The following RBM26 variants were observed in gnomAD, a reference collection of about 807,000 sequenced individuals.
RBM26 encodes RNA binding motif protein 26.
Under a neutral mutation model 123.6 loss-of-function variants are expected in RBM26, and 30 were observed. The ratio of observed to expected loss-of-function variants is 0.24; its 90% CI spans 0.18 to 0.33. The LOEUF (loss-of-function observed/expected upper bound fraction) is 0.33. Among genes scored for constraint, RBM26 ranks in the 10% least tolerant of loss-of-function variants. The pLI, the probability that RBM26 is intolerant of heterozygous loss-of-function variation, is 1.00. For synonymous variants in RBM26, 400 were observed against 404.4 expected (o/e 0.99, Z 0.13); for missense variants, 947 against 1,203.6 (o/e 0.79, Z 3.15).
chr13:79,372,895 A>T (rs2076104927), intron 3 of RBM26, among the ~76,000 whole-genome samples: 2 of 88,610 alleles, frequency 2.3e-5, no homozygotes, highest in Admixed American at 1.6e-4. Flanking sequence ...GCTATATAAA[A>T]TATATCTTAT....
chr13:79,373,159 TTATA>T (rs1380109701), intron 3 of RBM26, among the ~76,000 whole-genome samples: 121 of 302 alleles, frequency 0.4, 11 homozygotes, highest in Admixed American at 0.58. Flanking sequence ...ATTTTATGTA[TTATA>T]TATTTATATA....
At chr13:79,322,639 A>C (rs991161033) in intron 20 of RBM26, among the ~76,000 whole-genome samples, 177 bp from the exon 21 acceptor site, 2 of 151,548 alleles carry the variant, frequency 1.3e-5, no homozygotes, top group Admixed American at 1.3e-4. Context: ...TTTACACTTT[A>C]CTTTTTATGG....
At chr13:79,326,484 A>G (rs1054139458) in intron 20 of RBM26, among the ~76,000 whole-genome samples, 1 of 152,190 alleles carries the variant, frequency 6.6e-6, no homozygotes, top group Non-Finnish European at 1.5e-5. Context: ...GGGAAATAGT[A>G]TCAGATGAAG....
chr13:79,373,995 T>G (rs2076411568), intron 3 of RBM26, among the ~76,000 whole-genome samples: 2 of 151,530 alleles, frequency 1.3e-5, no homozygotes, highest in Middle Eastern at 3.4e-3. Context: ...GACTTAGAGG[T>G]TGAACAAATT....
At chr13:79,373,639 TTATA>T (rs1284411810) in intron 3 of RBM26, among the ~76,000 whole-genome samples, 3 of 81,770 alleles carry the variant, frequency 3.7e-5, no homozygotes, top group African/African-American at 1.6e-4. Flanking sequence ...CTATATATAT[TTATA>T]TAGTCTATTT....
chr13:79,324,972 T>A (rs1053345625), intron 20 of RBM26, among the ~76,000 whole-genome samples: 57 of 152,150 alleles, frequency 3.7e-4, no homozygotes, highest in African/African-American at 1.3e-3. Flanking sequence ...CAGAACAATG[T>A]TTTGGTCAAC....
chr13:79,338,225 A>G (rs2070787332), intron 18 of RBM26, among the ~76,000 whole-genome samples: 1 of 152,194 alleles, frequency 6.6e-6, no homozygotes, highest in Admixed American at 6.5e-5. Flanking sequence ...AAACAACAAG[A>G]GCAACTAAGT....
chr13:79,351,059 CATAAT>C (rs918432731), intron 14 of RBM26, among the ~76,000 whole-genome samples: 1 of 152,038 alleles, frequency 6.6e-6, no homozygotes, highest in African/African-American at 2.4e-5. Flanking sequence ...ATTGCATTAG[CATAAT>C]ATATGGGTAT....
At chr13:79,367,397 A>ACTCCATC (rs1167398287) in intron 6 of RBM26, among the ~76,000 whole-genome samples, 1 of 123,178 alleles carries the variant, frequency 8.1e-6, no homozygotes, top group Non-Finnish European at 1.6e-5. Context: ...ATAGGGGGAG[A>ACTCCATC]CTCCATCTCA....
intron 1 of RBM26, among the ~76,000 whole-genome samples, chr13:79,391,546 C>T (rs977936402): frequency 6.6e-6 from 1 of 152,108 alleles, no homozygotes; most frequent in Non-Finnish European, 1.5e-5. Context: ...GCTTCAGCTT[C>T]CCCTGTAGCT....
chr13:79,327,715 A>T lies in RBM26; in HGVS notation c.2821-5253T>A, dbSNP rs1206957990. Among the ~76,000 whole-genome samples, 5 of 152,160 alleles carry T rather than the reference A, an allele frequency of 3.3e-5. No homozygotes were observed. The East Asian group carries it at 9.6e-4, about 29-fold the overall frequency. ...AGATCTCATTTAAAATAGCAATAAA[A>T]AGATGAATTATTATGGGGAAATTTA... On this transcript the variant is annotated intron_variant, in intron 20 of 21. Coordinates refer to ENST00000438737, the MANE Select transcript of RBM26 (RefSeq NM_001366735.2).
At chr13:79,357,703 C>G (rs1349421992) in intron 11 of RBM26, among the ~76,000 whole-genome samples, 1 of 152,104 alleles carries the variant, frequency 6.6e-6, no homozygotes, top group Non-Finnish European at 1.5e-5. Context: ...AACTGAGGAA[C>G]TGAAAACTAT....
chr13:79,336,992 A>G lies in RBM26; in HGVS notation c.2733+110T>C, dbSNP rs2070525172. 13 of 997,674 alleles carry G rather than the reference A, an allele frequency of 1.3e-5. No individual in the cohort carries two copies. In the Admixed American group the frequency reaches 2.2e-4, roughly 17 times the overall value. The allele number at this position is 997,674 out of a possible 1,614,324, so 61.8% of individuals were successfully genotyped here. ...ATTAAAGATTAAACTCTTTGTTCAG[A>G]TTAACGAGTTGAAATTACTTATGTC... On this transcript the variant is annotated intron_variant, in intron 19 of 21. Coordinates refer to ENST00000438737, the MANE Select transcript of RBM26 (RefSeq NM_001366735.2).
At chr13:79,337,816 T>C (rs1053454173) in intron 18 of RBM26, among the ~76,000 whole-genome samples, 62 of 152,298 alleles carry the variant, frequency 4.1e-4, no homozygotes, top group African/African-American at 1.5e-3. Context: ...TTATTCTGTA[T>C]GATGATAGCA....
chr13:79,399,048 G>A (rs1054466862), intron 1 of RBM26, among the ~76,000 whole-genome samples: 1 of 152,122 alleles, frequency 6.6e-6, no homozygotes, highest in Non-Finnish European at 1.5e-5. Flanking sequence ...AAAATAACAC[G>A]ACTAAATAAT....
intron 14 of RBM26, among the ~76,000 whole-genome samples, chr13:79,348,151 G>C (rs2072633060): frequency 6.6e-6 from 1 of 151,992 alleles, no homozygotes; most frequent in Non-Finnish European, 1.5e-5. Flanking sequence ...TGTATCACTG[G>C]ACATTTGCTA....
chr13:79,365,880 G>C (rs2075213640), intron 8 of RBM26, 162 bp from the exon 9 acceptor site: 1 of 956,408 alleles, frequency 1.0e-6, no homozygotes, highest in Admixed American at 3.0e-5. Context: ...TTATTAAAAA[G>C]AAAATGTTTT....
At chr13:79,343,751 C>A (rs1183494516) in intron 16 of RBM26, among the ~76,000 whole-genome samples, 1 of 151,780 alleles carries the variant, frequency 6.6e-6, no homozygotes, top group Non-Finnish European at 1.5e-5. Flanking sequence ...GACATTTCAA[C>A]AATTATTGTG....
At chr13:79,376,790 C>T (rs1285089198) in intron 3 of RBM26, 1 of 152,238 alleles carries the variant, frequency 6.6e-6, no homozygotes, top group East Asian at 1.9e-4. Context: ...AGAGTAAAAG[C>T]AGGCCTGACA....
Sources: allele counts gnomAD v4.1 joint callset (sites outside exome capture counted in the v4.1 genomes callset), GRCh38; gene constraint gnomAD v4.1.1; transcripts MANE v1.5; gene names NCBI Gene and HGNC (gene_info 2026-07-23, HGNC 2026-07-21).